Variants in PRKCH observed in about 807,000 individuals in gnomAD.
PRKCH encodes protein kinase C eta type.
PRKCH carries 28 observed loss-of-function variants against 82.5 expected under a neutral mutation model. The ratio of observed to expected loss-of-function variants is 0.34; its 90% CI spans 0.25 to 0.47. The LOEUF (loss-of-function observed/expected upper bound fraction) is 0.47, where lower values mean the gene tolerates loss of function less well. Among genes scored for constraint, PRKCH ranks in the 20% least tolerant of loss-of-function variants. PRKCH has a pLI of 1.00. For missense variants in PRKCH, 705 were observed against 881.8 expected (o/e 0.80, Z 2.54); for synonymous variants, 322 against 327.4 (o/e 0.98, Z 0.18).
intron 10 of PRKCH, among the ~76,000 whole-genome samples, chr14:61,519,824 C>A (rs1046006148): frequency 1.5e-4 from 22 of 151,702 alleles, no homozygotes; most frequent in African/African-American, 5.3e-4. Flanking sequence ...ATATAAATGC[C>A]ATCCACGACA....
At chr14:61,547,975 G>A (rs2043280920) in intron 13 of PRKCH, 89 bp downstream of exon 13, 10 of 1,518,600 alleles carry the variant, frequency 6.6e-6, no homozygotes, top group Non-Finnish European at 8.9e-6. Flanking sequence ...GATGGCCCCT[G>A]TGGGTGACAG....
Position 61,322,085 on chromosome 14 carries a change from G to A in PRKCH, c.-17G>A, listed in dbSNP as rs185229005. On this transcript the variant is annotated 5_prime_UTR_variant, in exon 1 of 14. Transcript: ENST00000332981. The stretch of plus-strand genomic sequence containing the variant: ...CGAAGCAGCGCGGCCCCCCGGGGCC[G>A]GGGCAGCGGCGCCGGCATGTCGTCT... 1.1e-3 allele frequency: 1,639 copies of A among 1,526,390 alleles called. 15 individuals carry two copies. In the African/African-American group the frequency reaches 0.02, roughly 19 times the overall value. 94.6% of individuals were successfully genotyped at this position (1,526,390 alleles called of 1,614,324 possible).
intron 1 of PRKCH, among the ~76,000 whole-genome samples, chr14:61,296,961 A>G (rs1028391138): frequency 6.6e-6 from 1 of 152,260 alleles, no homozygotes; most frequent in African/African-American, 2.4e-5. Flanking sequence ...TGTAACTCAC[A>G]TGACAATGAC....
intron 1 of PRKCH, among the ~76,000 whole-genome samples, chr14:61,308,546 C>T (rs113883030): frequency 0.012 from 1,838 of 152,332 alleles, 44 homozygotes; most frequent in African/African-American, 0.041. Context: ...TTGTTATACT[C>T]ACCAGAGCAC....
chr14:61,469,029 G>A (rs1594740493), intron 9 of PRKCH, among the ~76,000 whole-genome samples: 1 of 152,224 alleles, frequency 6.6e-6, no homozygotes. Context: ...GTTCTGCCAG[G>A]TGGTTTAGTG....
chr14:61,447,746 A>G (rs1045629094), intron 4 of PRKCH, among the ~76,000 whole-genome samples: 10 of 152,340 alleles, frequency 6.6e-5, no homozygotes, highest in Non-Finnish European at 1.5e-4. Context: ...GAGTCAAGTG[A>G]AAATGAAAAT....
Position 61,229,515 on chromosome 14 carries a change from C to T in PRKCH, c.-19+41847C>T, listed in dbSNP as rs868301330. 2.6e-5 allele frequency among the ~76,000 whole-genome samples: 4 copies of T among 152,272 alleles called. No homozygotes were observed. The South Asian group carries it at 6.2e-4, about 24-fold the overall frequency. On this transcript the variant is annotated intron_variant, in intron 1 of 3. Transcript: ENST00000555185. Reference sequence around the variant, plus strand: ...GTGCACTGAGCTCTGGTTACATAAGCCACTAGCTGTTTGTGTAAATGGCTG... The same window carrying T: ...GTGCACTGAGCTCTGGTTACATAAGTCACTAGCTGTTTGTGTAAATGGCTG...
intron 10 of PRKCH, among the ~76,000 whole-genome samples, chr14:61,487,119 C>G (rs149093711): frequency 6.6e-5 from 10 of 152,116 alleles, no homozygotes; most frequent in Admixed American, 6.6e-4. Flanking sequence ...TAAGTGGGAA[C>G]GCAAGCACTG....
intron 12 of PRKCH, among the ~76,000 whole-genome samples, chr14:61,547,265 A>T (rs943159837): frequency 7.9e-5 from 12 of 152,088 alleles, no homozygotes; most frequent in African/African-American, 2.9e-4. Flanking sequence ...ACAGATCTTC[A>T]AAAATAACGA....
rs150008599 is a variant in PRKCH, at chr14:61,398,607, C to T, written c.427+7319C>T. ...CTCCTGATGGAAGCCCACACAACAT[C>T]GTGATCTTGCCAAAAAGTAGAGGTA... On this transcript the variant is annotated intron_variant, in intron 2 of 13. Coordinates refer to ENST00000332981, the MANE Select transcript of PRKCH (RefSeq NM_006255.5). Among the ~76,000 whole-genome samples, 3 of 152,270 alleles carry T rather than the reference C, an allele frequency of 2.0e-5. No homozygotes were observed. In the East Asian group the frequency reaches 5.8e-4, roughly 29 times the overall value.
rs1243811522 is a variant in PRKCH, at chr14:61,457,123, G to A, written c.961-53G>A. Reference sequence around the variant, plus strand: ...CCAATAAGGTCTTCTTCGTGCATGGGTGCTCCATGCTTCTGCTGCAATTTC... The same window carrying A: ...CCAATAAGGTCTTCTTCGTGCATGGATGCTCCATGCTTCTGCTGCAATTTC... On this transcript the variant is annotated intron_variant, in intron 7 of 13. Coordinates refer to ENST00000332981, the MANE Select transcript of PRKCH (RefSeq NM_006255.5). 8.8e-6 allele frequency: 14 copies of A among 1,590,984 alleles called. No homozygotes were observed. In the Middle Eastern group the frequency reaches 5.0e-4, roughly 57 times the overall value.
chr14:61,276,901 A>G (rs2045208168), intron 1 of PRKCH, among the ~76,000 whole-genome samples: 1 of 152,050 alleles, frequency 6.6e-6, no homozygotes, highest in Non-Finnish European at 1.5e-5. Flanking sequence ...ATAATTACAT[A>G]GGCCGGGTTT....
intron 10 of PRKCH, among the ~76,000 whole-genome samples, chr14:61,503,293 GT>G (rs779965799): frequency 0.02 from 2,804 of 138,072 alleles, 70 homozygotes; most frequent in African/African-American, 0.058. Context: ...TGTGTTAGTG[GT>G]TTTTTTTTTT....
chr14:61,352,047 A>G (rs2046082964), intron 1 of PRKCH, among the ~76,000 whole-genome samples: 2 of 152,108 alleles, frequency 1.3e-5, no homozygotes, highest in Non-Finnish European at 1.5e-5. Flanking sequence ...TCTCAAGAGT[A>G]ACAGCACAAA....
intron 1 of PRKCH, among the ~76,000 whole-genome samples, chr14:61,294,121 ATTTTT>A (rs1017342729): frequency 6.7e-6 from 1 of 149,078 alleles, no homozygotes; most frequent in Non-Finnish European, 1.5e-5. Context: ...TTTTATTTTT[ATTTTT>A]ATTTTTTTTT....
At chr14:61,528,506 TGCCAGGCATAATGGC>T (rs1013989592) in intron 10 of PRKCH, among the ~76,000 whole-genome samples, 3 of 152,246 alleles carry the variant, frequency 2.0e-5, no homozygotes, top group African/African-American at 7.2e-5. Flanking sequence ...AAGTACATTA[TGCCAGGCATAATGGC>T]GCCAGGCATA....
At chr14:61,510,966 C>T (rs904135702) in intron 10 of PRKCH, among the ~76,000 whole-genome samples, 1 of 152,172 alleles carries the variant, frequency 6.6e-6, no homozygotes, top group Admixed American at 6.5e-5. Context: ...CTTAGGGAAC[C>T]AGCTATCCTA....
intron 1 of PRKCH, among the ~76,000 whole-genome samples, chr14:61,218,290 G>A (rs542808454): frequency 3.4e-4 from 51 of 152,142 alleles, no homozygotes; most frequent in Non-Finnish European, 5.1e-4. Context: ...TCTCTGTCTC[G>A]TTACCTTTCA....
At position 61,202,897 on chromosome 14, in the gene PRKCH, T is replaced by G. The variant is rs1313432254; in HGVS notation, c.-19+15229T>G. 2.6e-5 allele frequency among the ~76,000 whole-genome samples: 4 copies of G among 152,156 alleles called. No homozygotes were observed. In the East Asian group the frequency reaches 7.7e-4, roughly 29 times the overall value. Reference sequence around the variant, plus strand: ...TTATCATGAACCAAAGTTCATGGCTTACACCAGGTTTCACTCTTGGTGTAC... The same window carrying G: ...TTATCATGAACCAAAGTTCATGGCTGACACCAGGTTTCACTCTTGGTGTAC... On this transcript the variant is annotated intron_variant, in intron 1 of 3. Transcript: ENST00000555185.
Sources: allele counts gnomAD v4.1 joint callset (sites outside exome capture counted in the v4.1 genomes callset), GRCh38; gene constraint gnomAD v4.1.1; transcripts MANE v1.5; gene names NCBI Gene and HGNC (gene_info 2026-07-23, HGNC 2026-07-21).